SULT1E1: variants seen among roughly 807,000 people sequenced by gnomAD.
The protein encoded by SULT1E1 is sulfotransferase 1E1.
Under a neutral mutation model 33.6 loss-of-function variants are expected in SULT1E1, and 36 were observed. That is an observed-to-expected ratio of 1.07 (90% confidence interval 0.82 to 1.41). The LOEUF (loss-of-function observed/expected upper bound fraction) is 1.41. Among genes scored for constraint, SULT1E1 ranks in the 40% most tolerant of loss-of-function variants. SULT1E1 has a pLI of 0.00. For missense variants in SULT1E1, 371 were observed against 345.7 expected, an observed-to-expected ratio of 1.07 and a Z score of -0.58; for synonymous variants, 121 against 111.7, an observed-to-expected ratio of 1.08 and a Z score of -0.53.
chr4:69,839,972 T>G (rs1720854216), downstream of SULT1E1, among the ~76,000 whole-genome samples: 1 of 152,238 alleles, frequency 6.6e-6, no homozygotes, highest in Non-Finnish European at 1.5e-5. Context: ...ATTGCTTACT[T>G]ACGTCAATTA....
intron 7 of SULT1E1, 108 bp from the exon 8 acceptor site, chr4:69,842,214 A>C: frequency 1.5e-6 from 1 of 660,630 alleles, no homozygotes; most frequent in Non-Finnish European, 2.6e-6. Flanking sequence ...TATACTTGTA[A>C]TTCTCAATTT....
At chr4:69,824,322 G>T in the SULT1E1 span, among the ~76,000 whole-genome samples, 1 of 152,134 alleles carries the variant, frequency 6.6e-6, no homozygotes, top group African/African-American at 2.4e-5. Context: ...TATGACTTGG[G>T]TTAGGATCCC....
At chr4:69,823,845 G>A in the SULT1E1 span, among the ~76,000 whole-genome samples, 1 of 151,672 alleles carries the variant, frequency 6.6e-6, no homozygotes, top group Middle Eastern at 3.4e-3. Flanking sequence ...AGTCACTACT[G>A]CATACTCCGC....
chr4:69,857,002 A>C lies in SULT1E1; in HGVS notation c.145+498T>G, dbSNP rs144034881. Reference sequence around the variant, plus strand: ...ACTTAGTGTGTTTGGCTTTATTTTTAAGTGGTAAATGGAACAACCAGATGA... The same window carrying C: ...ACTTAGTGTGTTTGGCTTTATTTTTCAGTGGTAAATGGAACAACCAGATGA... On this transcript the variant is annotated intron_variant, in intron 2 of 7. Coordinates refer to ENST00000226444, the MANE Select transcript of SULT1E1 (RefSeq NM_005420.3). Among the ~76,000 whole-genome samples the C allele has an allele frequency of 3.3e-3, 487 of 148,564 alleles. 4 individuals are homozygous for C. The highest frequency in any genetic ancestry group is 0.011 in the African/African-American group (453 of 40,966).
the SULT1E1 span, among the ~76,000 whole-genome samples, chr4:69,828,734 G>A: frequency 3.4e-3 from 519 of 152,310 alleles, 6 homozygotes; most frequent in South Asian, 0.023. Flanking sequence ...ATTCACTACC[G>A]AGCCATCTTT....
At chr4:69,830,500 C>A in the SULT1E1 span, among the ~76,000 whole-genome samples, 1 of 152,222 alleles carries the variant, frequency 6.6e-6, no homozygotes, top group Non-Finnish European at 1.5e-5. Flanking sequence ...CTCCTTGGAG[C>A]ACCTCTGAGA....
the SULT1E1 span, among the ~76,000 whole-genome samples, chr4:69,824,355 T>C: frequency 6.6e-6 from 1 of 152,166 alleles, no homozygotes; most frequent in Non-Finnish European, 1.5e-5. Context: ...TTTTCACTCA[T>C]GGACATAGAA....
At chr4:69,858,558 T>C (rs1432245871) in intron 1 of SULT1E1, among the ~76,000 whole-genome samples, 1 of 152,150 alleles carries the variant, frequency 6.6e-6, no homozygotes, top group East Asian at 1.9e-4. Context: ...TTAGCCTTTC[T>C]AGATCTTCCT....
downstream of SULT1E1, among the ~76,000 whole-genome samples, chr4:69,840,041 A>G (rs780016158): frequency 4.7e-4 from 72 of 152,348 alleles, no homozygotes; most frequent in Non-Finnish European, 9.6e-4. Flanking sequence ...GTTATTGGAC[A>G]TTATAATGTG....
At chr4:69,831,512 T>A in the SULT1E1 span, among the ~76,000 whole-genome samples, 17 of 152,308 alleles carry the variant, frequency 1.1e-4, no homozygotes, top group African/African-American at 3.8e-4. Flanking sequence ...GCCAGCCAAC[T>A]GACACCAATA....
chr4:69,828,250 C>A, the SULT1E1 span, among the ~76,000 whole-genome samples: 2 of 152,236 alleles, frequency 1.3e-5, no homozygotes, highest in African/African-American at 2.4e-5. Flanking sequence ...ACTCAAGTCC[C>A]TTTCCATGCT....
chr4:69,852,153 A>T (rs1020714421), intron 4 of SULT1E1, among the ~76,000 whole-genome samples: 1 of 152,098 alleles, frequency 6.6e-6, no homozygotes, highest in African/African-American at 2.4e-5. Context: ...TATTCCTATG[A>T]TACTTAACTA....
At chr4:69,822,574 C>T in the SULT1E1 span, among the ~76,000 whole-genome samples, 1 of 152,298 alleles carries the variant, frequency 6.6e-6, no homozygotes, top group Admixed American at 6.5e-5. Context: ...TGTGACCATG[C>T]CAACCTGGAC....
chr4:69,834,167 C>T, the SULT1E1 span, among the ~76,000 whole-genome samples: 30 of 152,260 alleles, frequency 2.0e-4, no homozygotes, highest in South Asian at 6.2e-3. Context: ...GATAATGCTA[C>T]ACTTTCTCCT....
At chr4:69,854,510 A>G (rs1721197667) in intron 3 of SULT1E1, among the ~76,000 whole-genome samples, 196 bp from the exon 4 acceptor site, 1 of 152,084 alleles carries the variant, frequency 6.6e-6, no homozygotes, top group Non-Finnish European at 1.5e-5. Flanking sequence ...TTGCATGCCT[A>G]TATCAAAACA....
chr4:69,834,720 G>C, the SULT1E1 span, among the ~76,000 whole-genome samples: 1 of 152,132 alleles, frequency 6.6e-6, no homozygotes, highest in Non-Finnish European at 1.5e-5. Context: ...AGCAGGAGAA[G>C]AAAGTATAGA....
At chr4:69,856,795 G>A (rs866946417) in intron 2 of SULT1E1, among the ~76,000 whole-genome samples, 48 of 152,048 alleles carry the variant, frequency 3.2e-4, no homozygotes, top group African/African-American at 9.6e-4. Context: ...AATTAGCCAG[G>A]TGCAGTGGCG....
the SULT1E1 span, among the ~76,000 whole-genome samples, chr4:69,825,557 C>T: frequency 3.3e-5 from 5 of 152,156 alleles, no homozygotes; most frequent in East Asian, 3.8e-4. Flanking sequence ...ACTAAAGACA[C>T]GGGTGTCAGG....
At chr4:69,836,800 A>G (rs1184382488), downstream of SULT1E1, among the ~76,000 whole-genome samples, 7 of 152,204 alleles carry the variant, frequency 4.6e-5, no homozygotes, top group Admixed American at 3.3e-4. Flanking sequence ...TGTTCCTGTC[A>G]TCATGCTTTT....
Sources: gnomAD v4.1 joint callset for allele counts (sites outside exome capture counted in the v4.1 genomes callset) on GRCh38, gnomAD v4.1.1 for gene constraint, MANE v1.5 for transcripts, NCBI Gene and HGNC (gene_info 2026-07-23, HGNC 2026-07-21) for gene names.